Variants in STK32B observed in about 807,000 individuals in gnomAD.
STK32B encodes the protein serine/threonine-protein kinase 32B.
Under a neutral mutation model 52.6 loss-of-function variants are expected in STK32B, and 43 were observed. The ratio of observed to expected loss-of-function variants is 0.82; its 90% confidence interval spans 0.64 to 1.05. The LOEUF is 1.05. Ranked by LOEUF, STK32B falls within the 50% of genes least tolerant of loss-of-function variation. STK32B has a pLI of 0.00. For synonymous variants in STK32B, 238 were observed against 204.3 expected (o/e 1.17, Z -1.41); for missense variants, 621 against 534.6 (o/e 1.16, Z -1.59).
At chr4:5,183,951 C>T (rs567859413) in intron 3 of STK32B, among the ~76,000 whole-genome samples, 3 of 152,222 alleles carry the variant, frequency 2.0e-5, no homozygotes, top group East Asian at 1.9e-4. Flanking sequence ...GATGTTGTGG[C>T]GAGTTTGATT....
chr4:5,314,450 A>G (rs1055018904), intron 3 of STK32B, among the ~76,000 whole-genome samples: 2 of 152,162 alleles, frequency 1.3e-5, no homozygotes, highest in African/African-American at 4.8e-5. Context: ...CAGGTGGATC[A>G]CCTGAGGTCA....
intron 6 of STK32B, among the ~76,000 whole-genome samples, chr4:5,422,500 GA>G (rs767466765): frequency 8.5e-5 from 13 of 152,282 alleles, no homozygotes; most frequent in Middle Eastern, 6.8e-3. Flanking sequence ...TGAAAGAGCA[GA>G]TGGAATTTGC....
chr4:5,416,816 A>T, intron 5 of STK32B, 29 bp from the exon 6 acceptor site: 1 of 1,606,902 alleles, frequency 6.2e-7, no homozygotes, highest in Non-Finnish European at 8.5e-7. Context: ...AGCCCACGCT[A>T]ACTGGAGTTT....
chr4:5,476,593 CCT>C (rs1455278444), intron 11 of STK32B, among the ~76,000 whole-genome samples: 1 of 152,020 alleles, frequency 6.6e-6, no homozygotes, highest in East Asian at 1.9e-4. Flanking sequence ...GCCTGAGAAC[CCT>C]GTGTTGTGAG....
At chr4:5,205,729 T>C (rs1722533129) in intron 3 of STK32B, among the ~76,000 whole-genome samples, 1 of 149,970 alleles carries the variant, frequency 6.7e-6, no homozygotes, top group African/African-American at 2.4e-5. Context: ...TGTGTGTGTG[T>C]GTGCATTTAG....
chr4:5,313,707 G>A (rs11735826), intron 3 of STK32B, among the ~76,000 whole-genome samples: 17,749 of 152,036 alleles, frequency 0.12, 2,618 homozygotes, highest in African/African-American at 0.35. Flanking sequence ...TACAACATTC[G>A]TGCATAAAGA....
At chr4:5,051,969 C>T (rs1577610523) in intron 1 of STK32B, 54 bp downstream of exon 1, 1 of 1,551,610 alleles carries the variant, frequency 6.4e-7, no homozygotes, top group Middle Eastern at 1.7e-4. Flanking sequence ...CCTTCCTCCA[C>T]CACCCTCGGC....
intron 1 of STK32B, among the ~76,000 whole-genome samples, chr4:5,100,730 C>T (rs1364018890): frequency 1.0e-4 from 11 of 108,194 alleles, no homozygotes; most frequent in African/African-American, 3.0e-4. Context: ...TCCTTCCCTT[C>T]TTCCTTCTCT....
intron 7 of STK32B, among the ~76,000 whole-genome samples, chr4:5,448,127 A>G (rs1715638114): frequency 6.6e-6 from 1 of 152,210 alleles, no homozygotes; most frequent in Admixed American, 6.5e-5. Context: ...ATTATTTGTC[A>G]CCCTGTAGTT....
chr4:5,259,835 G>A (rs1726581310), intron 3 of STK32B, among the ~76,000 whole-genome samples: 1 of 152,124 alleles, frequency 6.6e-6, no homozygotes, highest in African/African-American at 2.4e-5. Context: ...ATTTAGGAGG[G>A]TCTCAGAACA....
At chr4:5,296,734 C>A (rs1729228385) in intron 3 of STK32B, among the ~76,000 whole-genome samples, 1 of 152,132 alleles carries the variant, frequency 6.6e-6, no homozygotes, top group African/African-American at 2.4e-5. Flanking sequence ...CAGTCTGTGC[C>A]TTGTAATTGG....
At chr4:5,315,995 G>T (rs34743203) in intron 3 of STK32B, among the ~76,000 whole-genome samples, 2 of 149,564 alleles carry the variant, frequency 1.3e-5, no homozygotes, top group Admixed American at 6.8e-5. Flanking sequence ...GTGAGCCACC[G>T]GGACTGGCCG....
At chr4:5,266,662 C>G (rs2108851238) in intron 3 of STK32B, among the ~76,000 whole-genome samples, 2 of 152,330 alleles carry the variant, frequency 1.3e-5, no homozygotes, top group South Asian at 2.1e-4. Flanking sequence ...AGCCACTTAT[C>G]TCTCTTAGCT....
At chr4:5,410,567 C>A (rs1253578816) in intron 5 of STK32B, among the ~76,000 whole-genome samples, 2 of 152,146 alleles carry the variant, frequency 1.3e-5, no homozygotes, top group African/African-American at 4.8e-5. Context: ...TACAAGCAGA[C>A]GTCCTCTTCT....
chr4:5,333,857 C>T (rs915456831), intron 4 of STK32B, among the ~76,000 whole-genome samples: 8 of 152,260 alleles, frequency 5.3e-5, no homozygotes, highest in East Asian at 1.9e-4. Context: ...GTACCAGTAC[C>T]GTGCTGTTTT....
At position 5,460,092 on chromosome 4, in the gene STK32B, T is replaced by A. The variant is rs762789063; in HGVS notation, c.784-11T>A. ...CCAATTCATGGAAACTCATTTGCCC[T>A]CTAACTGCAGCTCCTGACCAAGGAT... On this transcript the variant is annotated splice_polypyrimidine_tract_variant and intron_variant, in intron 8 of 11. Coordinates refer to ENST00000282908, the MANE Select transcript of STK32B (RefSeq NM_018401.3). The surrounding 1 kb of genome is among the most constrained non-coding windows in gnomAD (Gnocchi z 4.8). 6.2e-7 allele frequency: 1 copy of A among 1,614,190 alleles called. No homozygotes were observed. Among genetic ancestry groups the A allele is most frequent in the South Asian group, 1.1e-5 (1 of 91,084 alleles).
At chr4:5,440,448 T>G (rs1205338130) in intron 6 of STK32B, among the ~76,000 whole-genome samples, 2 of 152,302 alleles carry the variant, frequency 1.3e-5, no homozygotes, top group East Asian at 3.9e-4. Flanking sequence ...TTTTGTACAT[T>G]GATTTTGTAT....
In STK32B at chr4:5,095,295, G is replaced by T. The variant is rs79677503; in HGVS notation, c.52+43380G>T. Among the ~76,000 whole-genome samples, 23 of 152,204 alleles carry T rather than the reference G, an allele frequency of 1.5e-4. No homozygotes were observed. The East Asian group carries it at 2.5e-3, about 17-fold the overall frequency. On this transcript the variant is annotated intron_variant, in intron 1 of 11. Transcript: ENST00000282908. ...AGCTTAAGGTGATATGGTTTTAAGC[G>T]TATTAATATAAATTACCTTTTAAAA...
chr4:5,246,012 C>G (rs1351724111), intron 3 of STK32B, among the ~76,000 whole-genome samples: 2 of 152,148 alleles, frequency 1.3e-5, no homozygotes, highest in South Asian at 2.1e-4. Flanking sequence ...AACACTTTTT[C>G]CTTCATTTCA....
Sources: gnomAD v4.1 joint callset for allele counts (sites outside exome capture counted in the v4.1 genomes callset) on GRCh38, gnomAD v4.1.1 for gene constraint, Gnocchi (gnomAD v3.1) non-coding constraint, MANE v1.5 for transcripts, NCBI Gene and HGNC (gene_info 2026-07-23, HGNC 2026-07-21) for gene names.